The following SYNE2 variants were observed in gnomAD, a reference collection of about 807,000 sequenced individuals.
SYNE2 encodes the protein spectrin repeat containing nuclear envelope protein 2, also known as nesprin-2.
In SYNE2, 431 loss-of-function variants were observed where a neutral mutation model predicts 856.3. The ratio of observed to expected loss-of-function variants is 0.50; its 90% CI spans 0.47 to 0.55. SYNE2 has a LOEUF of 0.55. SYNE2 is among the 20% of genes least tolerant of loss of function. The pLI, the probability that SYNE2 is intolerant of heterozygous loss-of-function variation, is 0.00. For synonymous variants in SYNE2, 2,923 were observed against 2,872.3 expected (o/e 1.02, Z -0.56); for missense variants, 8,129 against 8,023.2 (o/e 1.01, Z -0.50).
chr14:63,947,714 G>A (rs956838783), intron 6 of SYNE2, among the ~76,000 whole-genome samples: 1 of 152,156 alleles, frequency 6.6e-6, no homozygotes, highest in Non-Finnish European at 1.5e-5. Context: ...GTGCATGCCT[G>A]TAATTCCAGC....
At chr14:64,063,439 T>A (rs185166071) in intron 50 of SYNE2, among the ~76,000 whole-genome samples, 118 of 152,324 alleles carry the variant, frequency 7.7e-4, no homozygotes, top group African/African-American at 2.7e-3. Flanking sequence ...CAGACAGTCA[T>A]CCCCCAATAG....
At chr14:64,121,509 G>A (rs146453810) in intron 68 of SYNE2, among the ~76,000 whole-genome samples, 1 of 152,246 alleles carries the variant, frequency 6.6e-6, no homozygotes, top group African/African-American at 2.4e-5. Flanking sequence ...GGGTGATAGC[G>A]TGAGACCATG....
At chr14:63,835,608 A>G (rs576627493) in intron 1 of SYNE2, among the ~76,000 whole-genome samples, 17 of 152,068 alleles carry the variant, frequency 1.1e-4, no homozygotes, top group East Asian at 1.9e-4. Context: ...TCCAGCCCTG[A>G]AAGTACATGT....
chr14:64,214,254 A>T lies in SYNE2; in HGVS notation c.19117A>T (p.Ile6373Phe). Residue 6373 changes from isoleucine (I) to phenylalanine (F), a missense_variant, in exon 106 of 116, where the codon ATC becomes TTC. By Grantham distance (21) the Ile-to-Phe change is conservative. Coordinates refer to ENST00000555002, the MANE Select transcript of SYNE2 (RefSeq NM_182914.3). ...AACAGACATGGAAGACCCCAGAGAA[A>T]TCCAGACTGATTCTTGGCGTAAACG... Reference protein sequence around the residue: ...NETDMEDPREIQTDSWRKRGE... With the variant: ...NETDMEDPREFQTDSWRKRGE... The T allele has an allele frequency of 6.2e-7, 1 of 1,614,116 alleles. No homozygotes were observed. The highest frequency in any genetic ancestry group is 8.5e-7 in the Non-Finnish European group (1 of 1,180,014).
In SYNE2 at chr14:64,141,350, A is replaced by G. The variant is rs762071729; in HGVS notation, c.14986A>G (p.Lys4996Glu). ...TAAAACTCTCCTTTAGGAGTTTTCA[A>G]AAGAAGTTGATGAAAAATCCTCCTT... is the stretch of plus-strand genomic sequence containing the variant. Reference protein sequence around the residue: ...SNINNFFEFSKEVDEKSSLKT... With the variant: ...SNINNFFEFSEEVDEKSSLKT... Residue 4996 changes from lysine to glutamate, a missense_variant, in exon 81 of 116, where the codon AAA becomes GAA. Transcript: ENST00000555002. 6.8e-6 allele frequency: 11 copies of G among 1,612,954 alleles called. No homozygotes were observed. In the African/African-American group the frequency reaches 9.3e-5, roughly 14 times the overall value.
intron 49 of SYNE2, among the ~76,000 whole-genome samples, chr14:64,057,105 G>A (rs72718389): frequency 0.083 from 12,540 of 151,856 alleles, 899 homozygotes; most frequent in African/African-American, 0.19. Context: ...TTCATTTCAA[G>A]CATTTATCTT....
chr14:64,003,854 A>G (rs895289888), intron 30 of SYNE2, among the ~76,000 whole-genome samples: 2 of 152,162 alleles, frequency 1.3e-5, no homozygotes, highest in African/African-American at 2.4e-5. Flanking sequence ...GATTCTGGAG[A>G]TGGAACAGAG....
intron 47 of SYNE2, 82 bp from the exon 48 acceptor site, chr14:64,051,475 T>G: frequency 7.7e-7 from 1 of 1,304,764 alleles, no homozygotes; most frequent in Admixed American, 2.6e-5. Flanking sequence ...GCAGAATTAA[T>G]TTCTTCTAAT....
intron 2 of SYNE2, among the ~76,000 whole-genome samples, chr14:63,938,831 A>G (rs1566850933): frequency 6.6e-6 from 1 of 152,140 alleles, no homozygotes; most frequent in African/African-American, 2.4e-5. Flanking sequence ...GCACTTTAGG[A>G]CTTAAGGAGA....
chr14:64,209,398 G>C (rs2140142932), intron 101 of SYNE2, 30 bp from the exon 102 acceptor site: 1 of 1,614,188 alleles, frequency 6.2e-7, no homozygotes, highest in Non-Finnish European at 8.5e-7. Flanking sequence ...GGAGGGGATG[G>C]CTTGTGTTAA....
upstream of SYNE2, chr14:63,848,234 A>G (rs1890296672): frequency 6.6e-6 from 1 of 152,160 alleles, no homozygotes; most frequent in Non-Finnish European, 1.5e-5. Context: ...CATATCCAGC[A>G]GGTCTATGTT....
In SYNE2 at chr14:64,031,229, C is replaced by T. The variant is rs781422804; in HGVS notation, c.7093C>T (p.Arg2365Cys). Residue 2365 changes from arginine to cysteine, a missense_variant, in exon 45 of 116, where the codon CGC (arginine) becomes TGC (cysteine). Arg to Cys is a radical substitution (Grantham distance 180). This residue lies in a region of SYNE2 where 297 missense variants were observed against 380.9 expected (regional missense o/e 0.78). Transcript: ENST00000555002. ...TCTCAACAGCATTCTCAAATCAAAA[C>T]GCTCAACAGAAAAGAAAGGAAAGTT... ...CCLNSILKSK[R>C]STEKKGKFTL... The T allele has an allele frequency of 2.7e-5, 44 of 1,614,012 alleles. No homozygotes were observed. Among genetic ancestry groups the T allele is most frequent in the South Asian group, 2.5e-4 (23 of 91,090 alleles).
At chr14:63,963,755 A>G (rs748052016) in intron 9 of SYNE2, 144 bp from the exon 10 acceptor site, 2 of 664,802 alleles carry the variant, frequency 3.0e-6, no homozygotes, top group Admixed American at 2.3e-5. Context: ...TGTTATGTGA[A>G]CAAGTGAAAT....
At chr14:64,199,019 T>C (rs2098550865) in intron 99 of SYNE2, among the ~76,000 whole-genome samples, 1 of 152,150 alleles carries the variant, frequency 6.6e-6, no homozygotes, top group African/African-American at 2.4e-5. Flanking sequence ...CTGTGCAGGA[T>C]CCAAGACAAG....
At chr14:64,206,473 A>G (rs2140078975) in intron 100 of SYNE2, among the ~76,000 whole-genome samples, 1 of 152,006 alleles carries the variant, frequency 6.6e-6, no homozygotes, top group Admixed American at 6.5e-5. Context: ...TTTTTTGTAC[A>G]AGGTAACTAG....
chr14:63,955,305 A>G lies in SYNE2; in HGVS notation c.787+390A>G, dbSNP rs140243673. ...CCTCCCTCCCTCTGAGTTAAAGCTG[A>G]ACCTCTGTGAGAACAGAAACTGCTG... On this transcript the variant is annotated intron_variant, in intron 8 of 115. Transcript: ENST00000555002. 3.1e-3 allele frequency among the ~76,000 whole-genome samples: 468 copies of G among 152,276 alleles called. 2 individuals are homozygous for G. Among genetic ancestry groups the G allele is most frequent in the Admixed American group, 5.0e-3 (76 of 15,294 alleles).
At chr14:63,794,272 A>T (rs1004997678) in intron 1 of SYNE2, among the ~76,000 whole-genome samples, 2 of 151,978 alleles carry the variant, frequency 1.3e-5, no homozygotes, top group Admixed American at 1.3e-4. Context: ...CCCAGGCTGG[A>T]GTGCAATGGT....
chr14:64,025,286 A>G lies in SYNE2; in HGVS notation c.6117A>G (p.Leu2039=). Residue 2039 remains leucine, a synonymous_variant, in exon 41 of 116, where the codon CTA becomes CTG. Transcript: ENST00000555002. The part of the protein sequence containing the change: ...LSEIEEEDKL[L]PTEDQSFNDL... ...AAATCGAGGAAGAGGATAAGTTACT[A>G]CCCACAGAGGACCAGAGCTTTAATG... is the stretch of plus-strand genomic sequence containing the variant. The G allele has an allele frequency of 6.2e-7, 1 of 1,614,128 alleles. No homozygotes were observed. Among genetic ancestry groups the G allele is most frequent in the South Asian group, 1.1e-5 (1 of 91,082 alleles).
chr14:64,019,140 G>A (rs979461425), intron 34 of SYNE2, among the ~76,000 whole-genome samples: 3 of 152,106 alleles, frequency 2.0e-5, no homozygotes, highest in African/African-American at 2.4e-5. Context: ...GGGTGTGGTG[G>A]TGTGTGCCTT....
Sources: gnomAD v4.1 joint callset for allele counts (sites outside exome capture counted in the v4.1 genomes callset) on GRCh38, gnomAD v4.1.1 for gene constraint, gnomAD v4.1.1 regional missense constraint, MANE v1.5 for transcripts, NCBI Gene and HGNC (gene_info 2026-07-23, HGNC 2026-07-21) for gene names.